PCNX2: variants seen among roughly 807,000 people sequenced by gnomAD.
PCNX2 encodes the protein pecanex 2.
PCNX2 carries 168 observed loss-of-function variants against 223.8 expected under a neutral mutation model. That is an observed-to-expected ratio of 0.75 (90% confidence interval 0.66 to 0.85). The LOEUF (loss-of-function observed/expected upper bound fraction) is 0.85, where lower values mean the gene tolerates loss of function less well. PCNX2 is among the 40% of genes least tolerant of loss of function. The probability of loss-of-function intolerance (pLI) is 0.00; values close to 1 mark genes in which losing one functional copy is unlikely to be tolerated. For synonymous variants in PCNX2, 1,006 were observed against 1,052.6 expected (o/e 0.96, Z 0.86); for missense variants, 2,507 against 2,675.5 (o/e 0.94, Z 1.39).
At chr1:233,170,584 A>G (rs952500671) in intron 17 of PCNX2, among the ~76,000 whole-genome samples, 1 of 152,176 alleles carries the variant, frequency 6.6e-6, no homozygotes, top group Non-Finnish European at 1.5e-5. Context: ...AAAGGTCATA[A>G]TTTTAATTAA....
intron 8 of PCNX2, among the ~76,000 whole-genome samples, chr1:233,246,382 C>T (rs1659125887): frequency 6.6e-6 from 1 of 152,204 alleles, no homozygotes. Context: ...GAACCCTGAG[C>T]TTGTGACGCC....
At chr1:233,192,965 C>T (rs1205595018) in intron 15 of PCNX2, among the ~76,000 whole-genome samples, 2 of 147,914 alleles carry the variant, frequency 1.4e-5, no homozygotes, top group African/African-American at 2.5e-5. Context: ...ACAATAAATA[C>T]ATTTTAATTT....
chr1:233,309,653 G>A, the PCNX2 span, among the ~76,000 whole-genome samples: 8 of 151,918 alleles, frequency 5.3e-5, no homozygotes, highest in East Asian at 5.8e-4. Flanking sequence ...TGAGGAGGGC[G>A]GATCCCCTGA....
intron 25 of PCNX2, among the ~76,000 whole-genome samples, chr1:233,050,669 T>C (rs928077512): frequency 6.6e-6 from 1 of 152,150 alleles, no homozygotes; most frequent in African/African-American, 2.4e-5. Flanking sequence ...TTTCACCATA[T>C]ACAAAAATTA....
Position 233,258,231 on chromosome 1 carries a change from CT to C in PCNX2, c.1630del (p.Ser544ValfsTer20). On this transcript the variant is annotated frameshift_variant, in exon 5 of 34. Transcript: ENST00000258229. LOFTEE classifies it high-confidence loss of function. ...TGTATCGTTAACAATTTCTGCAGAA[CT>C]TTTACTCAAGAAGACATCTGTCCCA... ...DSGTDVFLSK[S>X]SAEIVNDTEK... The C allele has an allele frequency of 6.2e-7, 1 of 1,613,970 alleles. No individual in the cohort carries two copies. The highest frequency in any genetic ancestry group is 8.5e-7 in the Non-Finnish European group (1 of 1,179,894).
At chr1:233,079,015 T>C (rs1673226082) in intron 23 of PCNX2, among the ~76,000 whole-genome samples, 7 of 152,030 alleles carry the variant, frequency 4.6e-5, no homozygotes. Context: ...AAATTCTAGG[T>C]GAGGAAATCT....
the PCNX2 span, among the ~76,000 whole-genome samples, chr1:233,319,607 C>T: frequency 2.6e-5 from 4 of 152,240 alleles, no homozygotes; most frequent in African/African-American, 9.6e-5. Context: ...TTTGTCTGTA[C>T]TGCCCGTGTT....
chr1:232,995,393 C>T (rs921327358), intron 32 of PCNX2, among the ~76,000 whole-genome samples: 15 of 152,156 alleles, frequency 9.9e-5, no homozygotes, highest in South Asian at 4.1e-4. Context: ...AGAAAGCCAG[C>T]GGTGGCCTTG....
chr1:233,086,687 T>A (rs796492643), intron 23 of PCNX2, among the ~76,000 whole-genome samples: 6 of 151,712 alleles, frequency 4.0e-5, no homozygotes, highest in African/African-American at 9.7e-5. Flanking sequence ...ATAATAATAA[T>A]AATAAAATAA....
intron 17 of PCNX2, among the ~76,000 whole-genome samples, chr1:233,174,728 C>T (rs1002596817): frequency 2.6e-5 from 4 of 151,756 alleles, no homozygotes; most frequent in African/African-American, 9.7e-5. Flanking sequence ...TTGAAAATGA[C>T]AAAGATATGA....
At chr1:233,203,351 A>T (rs1202420856) in intron 13 of PCNX2, among the ~76,000 whole-genome samples, 1 of 152,228 alleles carries the variant, frequency 6.6e-6, no homozygotes, top group Non-Finnish European at 1.5e-5. Context: ...TTCCAGCCAG[A>T]GGTCACCAGT....
chr1:233,086,825 A>G (rs1203248839), intron 23 of PCNX2: 1 of 164,072 alleles, frequency 6.1e-6, no homozygotes, highest in Non-Finnish European at 1.3e-5. Flanking sequence ...AGAACTTCCT[A>G]TTGGACAGTG....
chr1:233,203,448 T>C (rs1681249727), intron 13 of PCNX2, among the ~76,000 whole-genome samples: 1 of 152,106 alleles, frequency 6.6e-6, no homozygotes, highest in Non-Finnish European at 1.5e-5. Flanking sequence ...TTTCTTATAA[T>C]GAAAGGAAAA....
intron 28 of PCNX2, among the ~76,000 whole-genome samples, chr1:233,003,953 G>A (rs988947331): frequency 2.0e-5 from 3 of 152,066 alleles, no homozygotes; most frequent in African/African-American, 7.2e-5. Context: ...CCTGAACAAC[G>A]AGAACACATG....
At chr1:233,315,102 G>T in the PCNX2 span, among the ~76,000 whole-genome samples, 1 of 152,168 alleles carries the variant, frequency 6.6e-6, no homozygotes, top group Admixed American at 6.6e-5. Context: ...AATTCTTACA[G>T]AGAATAAGTG....
chr1:233,071,589 A>G lies in PCNX2; in HGVS notation c.4077-14299T>C, dbSNP rs146547965. ...GGTATCCATGTCTTTGCTACTGTGA[A>G]TAGTGCTGCAATGAACATACACATG... On this transcript the variant is annotated intron_variant, in intron 23 of 33. Coordinates refer to ENST00000258229, the MANE Select transcript of PCNX2 (RefSeq NM_014801.4). 3.8e-3 allele frequency among the ~76,000 whole-genome samples: 577 copies of G among 152,296 alleles called. 4 individuals carry two copies. Among genetic ancestry groups the G allele is most frequent in the African/African-American group, 0.014 (562 of 41,572 alleles).
intron 19 of PCNX2, among the ~76,000 whole-genome samples, chr1:233,153,910 T>A (rs928532841): frequency 1.3e-5 from 2 of 152,178 alleles, no homozygotes; most frequent in African/African-American, 4.8e-5. Flanking sequence ...ATCATGTGCA[T>A]CACATAGAAA....
At chr1:233,297,796 T>C (rs1189442005), upstream of PCNX2, among the ~76,000 whole-genome samples, 6 of 152,102 alleles carry the variant, frequency 3.9e-5, no homozygotes, top group Non-Finnish European at 8.8e-5. Flanking sequence ...AGCATGCATG[T>C]GACATGATCG....
At chr1:233,029,234 A>C (rs562993253) in intron 25 of PCNX2, among the ~76,000 whole-genome samples, 161 of 152,192 alleles carry the variant, frequency 1.1e-3, no homozygotes, top group African/African-American at 3.8e-3. Context: ...AGTTTCTCTA[A>C]GGGTTATAAT....
Sources: gnomAD v4.1 joint callset for allele counts (sites outside exome capture counted in the v4.1 genomes callset) on GRCh38, gnomAD v4.1.1 for gene constraint, MANE v1.5 for transcripts, NCBI Gene and HGNC (gene_info 2026-07-23, HGNC 2026-07-21) for gene names.